PCDH15: variants seen among roughly 807,000 people sequenced by gnomAD.
PCDH15 encodes protocadherin related 15, also known as protocadherin-15.
In PCDH15, 129 loss-of-function variants were observed where a neutral mutation model predicts 178.5. That is an observed-to-expected ratio of 0.72 (90% CI 0.63 to 0.84). The LOEUF (loss-of-function observed/expected upper bound fraction) is 0.84, where lower values mean the gene tolerates loss of function less well. Ranked by LOEUF, PCDH15 falls within the 40% of genes least tolerant of loss-of-function variation. The probability of loss-of-function intolerance (pLI) is 0.00; values close to 1 mark genes in which losing one functional copy is unlikely to be tolerated. For missense variants in PCDH15, 2,230 were observed against 2,099.9 expected (o/e 1.06, Z -1.21); for synonymous variants, 800 against 732.0 (o/e 1.09, Z -1.50).
At chr10:55,271,150 G>A (rs969609292) in intron 1 of PCDH15, among the ~76,000 whole-genome samples, 1 of 151,944 alleles carries the variant, frequency 6.6e-6, no homozygotes, top group Non-Finnish European at 1.5e-5. Context: ...AAGGGAGAGA[G>A]GTGGGCAGGG....
chr10:55,187,825 G>C (rs1425653817), intron 1 of PCDH15, among the ~76,000 whole-genome samples: 1 of 151,878 alleles, frequency 6.6e-6, no homozygotes, highest in African/African-American at 2.4e-5. Flanking sequence ...CTTCAGAGGA[G>C]AAAAAAATAT....
At chr10:54,689,733 T>A (rs1233216745) in intron 1 of PCDH15, among the ~76,000 whole-genome samples, 2 of 152,198 alleles carry the variant, frequency 1.3e-5, no homozygotes, top group Non-Finnish European at 2.9e-5. Flanking sequence ...AGACATGATC[T>A]TTGCTTTTGT....
intron 2 of PCDH15, among the ~76,000 whole-genome samples, chr10:55,609,449 T>A (rs994414781): frequency 6.6e-6 from 1 of 152,090 alleles, no homozygotes; most frequent in Non-Finnish European, 1.5e-5. Context: ...ATGAGAAAAT[T>A]TTTAATAATC....
chr10:55,476,796 A>T (rs775497757), intron 2 of PCDH15, among the ~76,000 whole-genome samples: 3 of 152,030 alleles, frequency 2.0e-5, no homozygotes, highest in Non-Finnish European at 2.9e-5. Context: ...TGCATTCAAA[A>T]TATAACTAAA....
chr10:54,545,022 T>C (rs2085687075), intron 2 of PCDH15, among the ~76,000 whole-genome samples: 1 of 152,108 alleles, frequency 6.6e-6, no homozygotes, highest in Non-Finnish European at 1.5e-5. Flanking sequence ...ATCACAAATG[T>C]CTGTACTCTA....
intron 1 of PCDH15, among the ~76,000 whole-genome samples, chr10:54,793,679 C>CACATATATATACATATATAA (rs1048685787): frequency 6.7e-6 from 1 of 148,160 alleles, no homozygotes; most frequent in African/African-American, 2.5e-5. Flanking sequence ...CATATATACA[C>CACATATATATACATATATAA]ACATATATAT....
intron 3 of PCDH15, among the ~76,000 whole-genome samples, chr10:54,432,314 C>A (rs199530297): frequency 1.3e-5 from 2 of 151,726 alleles, no homozygotes; most frequent in African/African-American, 4.8e-5. Context: ...AATCACATTA[C>A]CTGGCTTCAA....
chr10:54,698,048 A>G (rs1380574792), intron 1 of PCDH15, among the ~76,000 whole-genome samples: 1 of 152,050 alleles, frequency 6.6e-6, no homozygotes, highest in African/African-American at 2.4e-5. Flanking sequence ...GAAGCAGTCA[A>G]GAGGAGAAAC....
At chr10:54,709,596 A>C (rs2095407372) in intron 1 of PCDH15, among the ~76,000 whole-genome samples, 1 of 123,316 alleles carries the variant, frequency 8.1e-6, no homozygotes, top group Admixed American at 7.9e-5. Context: ...AATAATTCAT[A>C]TATATATATA....
chr10:54,618,077 C>T (rs760589409), intron 2 of PCDH15, among the ~76,000 whole-genome samples: 2 of 152,078 alleles, frequency 1.3e-5, no homozygotes, highest in African/African-American at 4.8e-5. Context: ...ATAAATTCTA[C>T]TTCCCATTTA....
chr10:55,480,931 A>C (rs1043590009), intron 2 of PCDH15, among the ~76,000 whole-genome samples: 1 of 151,540 alleles, frequency 6.6e-6, no homozygotes, highest in Non-Finnish European at 1.5e-5. Context: ...TTCTTAGTAC[A>C]CCTGGTAGAA....
intron 1 of PCDH15, among the ~76,000 whole-genome samples, chr10:55,172,858 G>A (rs764116410): frequency 2.0e-5 from 3 of 151,804 alleles, no homozygotes; most frequent in Non-Finnish European, 2.9e-5. Flanking sequence ...GTCTCTGCTT[G>A]AGAAAGCTGT....
chr10:54,882,447 T>C (rs1383767202), intron 3 of PCDH15, among the ~76,000 whole-genome samples: 1 of 152,052 alleles, frequency 6.6e-6, no homozygotes, highest in East Asian at 1.9e-4. Flanking sequence ...GAAAACTCCT[T>C]ATTTAAAAAC....
At chr10:55,216,758 C>A (rs1444640279) in intron 1 of PCDH15, among the ~76,000 whole-genome samples, 3 of 151,706 alleles carry the variant, frequency 2.0e-5, no homozygotes, top group Non-Finnish European at 4.4e-5. Flanking sequence ...TTTACCTAAG[C>A]CTGTTGTTTT....
upstream of PCDH15, among the ~76,000 whole-genome samples, chr10:55,321,541 G>T (rs1216481902): frequency 1.3e-5 from 2 of 151,986 alleles, no homozygotes; most frequent in Admixed American, 6.5e-5. Context: ...CCATCCTGAA[G>T]ACACACAGTC....
At chr10:54,598,608 T>C (rs904965111) in intron 2 of PCDH15, among the ~76,000 whole-genome samples, 6 of 152,140 alleles carry the variant, frequency 3.9e-5, no homozygotes, top group East Asian at 1.9e-4. Context: ...CAACACAGTA[T>C]TGGAAATTCT....
At chr10:54,418,691 A>AT (rs1450023057) in intron 3 of PCDH15, among the ~76,000 whole-genome samples, 2 of 151,906 alleles carry the variant, frequency 1.3e-5, no homozygotes, top group African/African-American at 4.8e-5. Flanking sequence ...ATATTATTTG[A>AT]TTTTTTAAAG....
intron 2 of PCDH15, among the ~76,000 whole-genome samples, chr10:55,542,615 G>A (rs1026187926): frequency 6.8e-6 from 1 of 146,254 alleles, no homozygotes; most frequent in Non-Finnish European, 1.5e-5. Flanking sequence ...ACATATGTAT[G>A]TGTCTATATA....
intron 1 of PCDH15, among the ~76,000 whole-genome samples, chr10:54,747,682 A>C (rs1196321959): frequency 6.6e-6 from 1 of 152,186 alleles, no homozygotes; most frequent in East Asian, 1.9e-4. Flanking sequence ...GGTCGATGTA[A>C]CTTTCAAATG....
Sources: allele counts gnomAD v4.1 joint callset (sites outside exome capture counted in the v4.1 genomes callset), GRCh38; gene constraint gnomAD v4.1.1; transcripts MANE v1.5; gene names NCBI Gene and HGNC (gene_info 2026-07-23, HGNC 2026-07-21).